The following SLC12A5 variants were observed in gnomAD, a reference collection of about 807,000 sequenced individuals.
The protein encoded by SLC12A5 is solute carrier family 12 member 5.
A neutral mutation model predicts 124.0 loss-of-function variants in SLC12A5; 18 were observed. The observed-to-expected ratio is 0.15, with a 90% CI of 0.10 to 0.22. SLC12A5 has a LOEUF of 0.22. SLC12A5 is among the 10% of genes least tolerant of loss of function. The pLI is 1.00. For missense variants in SLC12A5, 867 were observed against 1,478.7 expected (o/e 0.59, Z 6.78); for synonymous variants, 589 against 568.0 (o/e 1.04, Z -0.53).
rs1200032896 is a variant in SLC12A5, at chr20:46,035,454, C to T, written c.198C>T (p.Ala66=). 1 of 1,613,812 alleles carries T rather than the reference C, an allele frequency of 6.2e-7. No individual in the cohort carries two copies. The highest frequency in any genetic ancestry group is 8.5e-7 in the Non-Finnish European group (1 of 1,179,986). The change falls in exon 3 of 26, where the codon GCC becomes GCT. Residue 66 remains alanine (A), a synonymous_variant. Transcript: ENST00000243964. The part of the protein sequence containing the change: ...PMVSSLLSGL[A]NYTNLPQGSR... ...TGTCCTCCTTGCTCAGTGGCCTGGCCAACTACACCAACCTGCCCCAGGGAA... is the reference window on the plus strand; with the variant it reads ...TGTCCTCCTTGCTCAGTGGCCTGGCTAACTACACCAACCTGCCCCAGGGAA...
intron 18 of SLC12A5, 83 bp from the exon 19 acceptor site, chr20:46,052,874 A>G: frequency 6.9e-7 from 1 of 1,456,548 alleles, no homozygotes; most frequent in South Asian, 1.4e-5. Context: ...GCTGGCTGCC[A>G]GGAGCCCTTG....
At chr20:46,049,888 C>G (rs1340881164) in intron 17 of SLC12A5, 98 bp downstream of exon 17, 24 of 1,357,998 alleles carry the variant, frequency 1.8e-5, no homozygotes, top group Non-Finnish European at 2.4e-5. Flanking sequence ...CCTTCAGGAT[C>G]AAAGGAAGTG....
chr20:46,052,857 G>T, intron 18 of SLC12A5, 100 bp from the exon 19 acceptor site: 2 of 1,336,912 alleles, frequency 1.5e-6, no homozygotes, highest in Non-Finnish European at 2.0e-6. Flanking sequence ...TTGGAGTGGG[G>T]TGGAGTGCTG....
intron 6 of SLC12A5, among the ~76,000 whole-genome samples, chr20:46,038,632 A>G (rs2084518572): frequency 6.6e-6 from 1 of 152,258 alleles, no homozygotes; most frequent in South Asian, 2.1e-4. Context: ...AGGGTAGAGA[A>G]GAAAATAAAA....
Position 46,046,322 on chromosome 20 carries a change from C to T in SLC12A5, c.1689-16C>T, listed in dbSNP as rs768892197. ...CTTTGCATCTCTGTCTCCCCTGGGGCCTTCCTGTGTTCCAGGTTCTTCCTG... is the reference window on the plus strand; with the variant it reads ...CTTTGCATCTCTGTCTCCCCTGGGGTCTTCCTGTGTTCCAGGTTCTTCCTG... On this transcript the variant is annotated splice_polypyrimidine_tract_variant and intron_variant, in intron 13 of 25. Coordinates refer to ENST00000243964, the MANE Select transcript of SLC12A5 (RefSeq NM_020708.5). 4.6e-5 allele frequency: 74 copies of T among 1,610,728 alleles called. No individual in the cohort carries two copies. Among genetic ancestry groups the T allele is most frequent in the Non-Finnish European group, 6.3e-5 (74 of 1,177,108 alleles).
rs978483386 is a variant in SLC12A5, at chr20:46,057,951, C to A, written c.*346C>A. Reference sequence around the variant, plus strand: ...CTTGGGGACCCCCAGGTAGTCCATGCGGCCCATTCCTCCCCTTCCCACTCC... The same window carrying A: ...CTTGGGGACCCCCAGGTAGTCCATGAGGCCCATTCCTCCCCTTCCCACTCC... On this transcript the variant is annotated 3_prime_UTR_variant, in exon 26 of 26. Coordinates refer to ENST00000243964, the MANE Select transcript of SLC12A5 (RefSeq NM_020708.5). This position sits in a 1 kb window ranked among gnomAD's most constrained non-coding sequence, Gnocchi z 7.1. 4.6e-6 allele frequency: 1 copy of A among 216,642 alleles called. No homozygotes were observed. Among genetic ancestry groups the A allele is most frequent in the East Asian group, 9.8e-5 (1 of 10,168 alleles). 13.4% of individuals were successfully genotyped at this position (216,642 alleles called of 1,614,324 possible). A position where few individuals can be genotyped will look rare whatever the true frequency, so the allele number is the denominator to read the frequency against.
chr20:46,021,753 T>A, upstream of SLC12A5: 1 of 1,534,182 alleles, frequency 6.5e-7, no homozygotes, highest in Admixed American at 2.0e-5. Flanking sequence ...GCCGCCTGGC[T>A]CCTTTCCGCG....
chr20:46,044,042 G>A (rs3746520), intron 11 of SLC12A5, 109 bp downstream of exon 11: 29,167 of 1,052,846 alleles, frequency 0.028, 727 homozygotes, highest in Admixed American at 0.14. Flanking sequence ...AGGGGCCTGT[G>A]GGAGGGAGGC....
intron 6 of SLC12A5, among the ~76,000 whole-genome samples, chr20:46,039,670 G>A (rs541333342): frequency 2.6e-5 from 4 of 152,224 alleles, no homozygotes; most frequent in African/African-American, 9.6e-5. Context: ...AGCTACTCGG[G>A]AGGCTGAGGC....
At chr20:46,048,140 T>C (rs1454017296) in intron 16 of SLC12A5, 55 bp downstream of exon 16, 8 of 1,480,154 alleles carry the variant, frequency 5.4e-6, no homozygotes, top group Non-Finnish European at 7.4e-6. Flanking sequence ...AGTGCAAGGC[T>C]CAGGAGACAG....
Position 46,040,562 on chromosome 20 carries a change from C to T in SLC12A5, c.802C>T (p.Leu268=), listed in dbSNP as rs1271651487. The T allele has an allele frequency of 1.2e-6, 2 of 1,614,088 alleles. No individual in the cohort carries two copies. The highest frequency in any genetic ancestry group is 2.2e-5 in the East Asian group (1 of 44,894). Reference sequence around the variant, plus strand: ...CCTGGGTTGTGTCATCCTCTCCATCCTGGCCATCTATGCTGGGGTCATCAA... The same window carrying T: ...CCTGGGTTGTGTCATCCTCTCCATCTTGGCCATCTATGCTGGGGTCATCAA... The part of the protein sequence containing the change: ...VFLGCVILSI[L]AIYAGVIKSA... The change falls in exon 7 of 26, where the codon CTG becomes TTG. Residue 268 remains leucine (L), a synonymous_variant. Coordinates refer to ENST00000243964, the MANE Select transcript of SLC12A5 (RefSeq NM_020708.5).
At position 46,036,749 on chromosome 20, in the gene SLC12A5, C is replaced by T. The variant is rs1600591942; in HGVS notation, c.435C>T (p.Leu145=). The T allele has an allele frequency of 6.2e-7, 1 of 1,613,910 alleles. No individual in the cohort carries two copies. The part of the protein sequence containing the change: ...MVFICCSCTM[L]TAISMSAIAT... ...GATCTCTTTCCTCACAGACGATGCTCACGGCCATCTCCATGAGTGCAATTG... is the reference window on the plus strand; with the variant it reads ...GATCTCTTTCCTCACAGACGATGCTTACGGCCATCTCCATGAGTGCAATTG... Residue 145 remains leucine (L), a synonymous_variant, in exon 5 of 26, where the codon CTC becomes CTT. Transcript: ENST00000243964.
upstream of SLC12A5, chr20:46,029,139 G>A (rs1250748363): frequency 7.2e-7 from 1 of 1,393,192 alleles, no homozygotes; most frequent in Non-Finnish European, 9.3e-7. Context: ...GGTGAGCAGC[G>A]CCGCTGCTGA....
Position 46,035,528 on chromosome 20 carries a change from C to A in SLC12A5, c.272C>A (p.Pro91Gln), listed in dbSNP as rs1436913904. 1 of 1,526,986 alleles carries A rather than the reference C, an allele frequency of 6.5e-7. No homozygotes were observed. Among genetic ancestry groups the A allele is most frequent in the East Asian group, 2.6e-5 (1 of 38,468 alleles). The allele number at this position is 1,526,986 out of a possible 1,614,324, so 94.6% of individuals were successfully genotyped here. A position where few individuals can be genotyped will look rare whatever the true frequency, so the allele number is the denominator to read the frequency against. The change falls in exon 3 of 26, where the codon CCG (proline) becomes CAG (glutamine). Residue 91 changes from proline (P) to glutamine (Q), a missense_variant. Coordinates refer to ENST00000243964, the MANE Select transcript of SLC12A5 (RefSeq NM_020708.5). ...AACAATGAGGGTGGAAAAAAGAAGC[C>A]GGTGCAGGTGAGGACCTCGGGGGAT... ...AENNEGGKKK[P>Q]VQAPRMGTFM...
chr20:46,044,004 C>T, intron 11 of SLC12A5, 71 bp downstream of exon 11: 6 of 1,478,964 alleles, frequency 4.1e-6, no homozygotes, highest in Admixed American at 4.0e-5. Flanking sequence ...GGGAAACAGA[C>T]CCATCAGGAG....
chr20:46,029,098 C>T, upstream of SLC12A5: 1 of 1,321,092 alleles, frequency 7.6e-7, no homozygotes, highest in African/African-American at 1.5e-5. Flanking sequence ...AAAACCCCGC[C>T]AGTGGCTCAC....
chr20:46,048,325 A>G (rs78429519), intron 16 of SLC12A5, among the ~76,000 whole-genome samples: 4,308 of 152,306 alleles, frequency 0.028, 157 homozygotes, highest in Admixed American at 0.11. Flanking sequence ...CCTCCTGAGC[A>G]GTCATCCATT....
Position 46,035,635 on chromosome 20 carries a change from G to T in SLC12A5, c.279+100G>T, listed in dbSNP as rs2084491337. 5 of 1,498,250 alleles carry T rather than the reference G, an allele frequency of 3.3e-6. No homozygotes were observed. The South Asian group carries it at 6.5e-5, about 19-fold the overall frequency. 92.8% of individuals were successfully genotyped at this position (1,498,250 alleles called of 1,614,324 possible). On this transcript the variant is annotated intron_variant, in intron 3 of 25. Transcript: ENST00000243964. ...GATTTGAATGGAGGGAGGGAAAGGG[G>T]ATACAAATCAGAAAGAAGAGGGATG...
At chr20:46,029,885 TGTGTGC>T (rs139907112) in intron 1 of SLC12A5, among the ~76,000 whole-genome samples, 8,882 of 66,666 alleles carry the variant, frequency 0.13, 813 homozygotes, top group African/African-American at 0.32. Flanking sequence ...TGTGTGTGTG[TGTGTGC>T]GCGCGCGTGC....
Sources: allele counts gnomAD v4.1 joint callset (sites outside exome capture counted in the v4.1 genomes callset), GRCh38; gene constraint gnomAD v4.1.1; non-coding constraint Gnocchi (gnomAD v3.1); transcripts MANE v1.5; gene names NCBI Gene and HGNC (gene_info 2026-07-23, HGNC 2026-07-21).